DNASE1: variants seen among roughly 807,000 people sequenced by gnomAD.
DNASE1 encodes the protein deoxyribonuclease-1.
DNASE1 carries 40 observed loss-of-function variants against 33.9 expected under a neutral mutation model. The observed-to-expected ratio is 1.18, with a 90% CI of 0.92 to 1.54. The LOEUF (loss-of-function observed/expected upper bound fraction) is 1.54, where lower values mean the gene tolerates loss of function less well. DNASE1 is among the 40% of genes most tolerant of loss of function. The probability of loss-of-function intolerance (pLI) is 0.00; values close to 1 mark genes in which losing one functional copy is unlikely to be tolerated. For missense variants in DNASE1, 518 were observed against 372.6 expected, an observed-to-expected ratio of 1.39 and a Z score of -3.21; for synonymous variants, 216 against 160.0, an observed-to-expected ratio of 1.35 and a Z score of -2.64.
At chr16:3,613,787 C>G (rs2040994345) in intron 1 of DNASE1, among the ~76,000 whole-genome samples, 1 of 152,074 alleles carries the variant, frequency 6.6e-6, no homozygotes, top group Non-Finnish European at 1.5e-5. Context: ...GAGTTTGGCT[C>G]TTGTTGCCCA....
upstream of DNASE1, among the ~76,000 whole-genome samples, chr16:3,638,141 T>TGTG (rs1163393580): frequency 1.5e-5 from 2 of 130,732 alleles, no homozygotes; most frequent in African/African-American, 5.6e-5. Context: ...GTGTGTGTGT[T>TGTG]TTTCCCAGTA....
At chr16:3,654,500 A>C (rs1596640805), upstream of DNASE1, 2 of 398,716 alleles carry the variant, frequency 5.0e-6, no homozygotes, top group East Asian at 7.1e-5. Context: ...CTCTTTGTCC[A>C]AAGTGACCTT....
At chr16:3,638,483 G>C (rs187847606), upstream of DNASE1, among the ~76,000 whole-genome samples, 15 of 152,180 alleles carry the variant, frequency 9.9e-5, no homozygotes, top group Non-Finnish European at 7.4e-5. Flanking sequence ...GACTACAGGC[G>C]CCCGCCACCA....
At chr16:3,612,223 TG>T (rs113325314) in intron 1 of DNASE1, among the ~76,000 whole-genome samples, 12,021 of 152,174 alleles carry the variant, frequency 0.079, 511 homozygotes, top group African/African-American at 0.11. Flanking sequence ...AGCTTCAACT[TG>T]GGGTCGTCGG....
Position 3,616,044 on chromosome 16 carries a change from A to G in DNASE1, c.-1359+4038A>G, listed in dbSNP as rs568372882. 3.9e-5 allele frequency among the ~76,000 whole-genome samples: 6 copies of G among 152,312 alleles called. No individual in the cohort carries two copies. The South Asian group carries it at 8.3e-4, about 21-fold the overall frequency. On this transcript the variant is annotated intron_variant and NMD_transcript_variant, in intron 1 of 11. Transcript: ENST00000570769. ...CTTTTATTTACTGTTGTATAGTCACATTTTCTAGACTGCTAAAATTGGTGA... is the reference window on the plus strand; with the variant it reads ...CTTTTATTTACTGTTGTATAGTCACGTTTTCTAGACTGCTAAAATTGGTGA...
intron 1 of DNASE1, among the ~76,000 whole-genome samples, chr16:3,648,267 A>G (rs1567201672): frequency 6.6e-6 from 1 of 151,654 alleles, no homozygotes; most frequent in Non-Finnish European, 1.5e-5. Context: ...GTGCCTGTGA[A>G]AAGCCACTGC....
upstream of DNASE1, among the ~76,000 whole-genome samples, chr16:3,642,596 C>G (rs554992067): frequency 8.5e-5 from 13 of 152,318 alleles, no homozygotes; most frequent in East Asian, 2.5e-3. Flanking sequence ...CTGAGCCCAG[C>G]TCTCGTGGGG....
Position 3,657,704 on chromosome 16 carries a change from T to A in DNASE1, c.705-16T>A. On this transcript the variant is annotated splice_polypyrimidine_tract_variant and intron_variant, in intron 7 of 8. Coordinates refer to ENST00000246949, the MANE Select transcript of DNASE1 (RefSeq NM_005223.4). The stretch of plus-strand genomic sequence containing the variant: ...TGTGAAAGGGGAACCTACTTTCTCT[T>A]CCCAACACCCATCAGGATCGTGGTT... 6.2e-7 allele frequency: 1 copy of A among 1,613,794 alleles called. No individual in the cohort carries two copies. The highest frequency in any genetic ancestry group is 8.5e-7 in the Non-Finnish European group (1 of 1,179,960).
At chr16:3,653,877 C>CAT (rs2042437593), upstream of DNASE1, 1 of 142,930 alleles carries the variant, frequency 7.0e-6, no homozygotes, top group Non-Finnish European at 1.5e-5. Context: ...GTCCTGGCTA[C>CAT]GCCGGAGGAT....
Position 3,654,857 on chromosome 16 carries a change from C to G in DNASE1, c.-189C>G. 2.4e-6 allele frequency: 1 copy of G among 410,298 alleles called. No individual in the cohort carries two copies. Among genetic ancestry groups the G allele is most frequent in the Non-Finnish European group, 4.3e-6 (1 of 233,684 alleles). 25.4% of individuals were successfully genotyped at this position (410,298 alleles called of 1,614,324 possible). A position where few individuals can be genotyped will look rare whatever the true frequency, so the allele number is the denominator to read the frequency against. On this transcript the variant is annotated 5_prime_UTR_variant, in exon 1 of 9. Transcript: ENST00000246949. ...TGCCTGAACTTTTAAAACTCCCAGA[C>G]ACGCACTGCCTGTGCAGGATCCGGA... is the stretch of plus-strand genomic sequence containing the variant.
intron 1 of DNASE1, among the ~76,000 whole-genome samples, chr16:3,634,873 G>A (rs2041821250): frequency 6.6e-6 from 1 of 152,164 alleles, no homozygotes; most frequent in East Asian, 1.9e-4. Flanking sequence ...CTAGAGTGCA[G>A]TGGCTATTCA....
downstream of DNASE1, chr16:3,662,080 C>A (rs375212471): frequency 2.2e-5 from 35 of 1,613,170 alleles, no homozygotes; most frequent in Non-Finnish European, 2.9e-5. Context: ...GCGGGCAGCC[C>A]CCATCTCCAG....
At chr16:3,660,500 C>G (rs1031854275), downstream of DNASE1, 1 of 148,452 alleles carries the variant, frequency 6.7e-6, no homozygotes, top group Non-Finnish European at 1.5e-5. Flanking sequence ...CAGACAGAAA[C>G]GAGCACTTCT....
intron 1 of DNASE1, among the ~76,000 whole-genome samples, chr16:3,630,065 C>T (rs536581122): frequency 3.4e-4 from 52 of 152,314 alleles, no homozygotes; most frequent in Non-Finnish European, 6.3e-4. Context: ...GTGATCTGCC[C>T]ACCTCGGCCT....
Position 3,663,532 on chromosome 16 carries a change from G to C in DNASE1, c.*5579G>C, listed in dbSNP as rs751634476. The C allele has an allele frequency of 1.5e-5, 25 of 1,613,992 alleles. No homozygotes were observed. Among genetic ancestry groups the C allele is most frequent in the Non-Finnish European group, 2.0e-5 (24 of 1,180,022 alleles). On this transcript the variant is annotated 3_prime_UTR_variant, in exon 10 of 10. Transcript: ENST00000407479. ...AACTCACGAAGGTGCAGCAGGGTGA[G>C]CTCATCAAACTGCTCAAAGCAGAAG...
downstream of DNASE1, chr16:3,658,533 T>G (rs1013441688): frequency 3.5e-6 from 2 of 566,964 alleles, no homozygotes; most frequent in African/African-American, 3.8e-5. Flanking sequence ...AATACAAAAT[T>G]AGCCAGGCGC....
Position 3,663,574 on chromosome 16 carries a change from C to G in DNASE1, c.*5621C>G. On this transcript the variant is annotated 3_prime_UTR_variant, in exon 10 of 10. Transcript: ENST00000407479. ...AAGCAGAAGAGAACCTGCAGGTGGC[C>G]AAGAGCAGCTCCATCAGACCCCGGG... is the stretch of plus-strand genomic sequence containing the variant. 1 of 1,613,460 alleles carries G rather than the reference C, an allele frequency of 6.2e-7. No individual in the cohort carries two copies. The highest frequency in any genetic ancestry group is 8.5e-7 in the Non-Finnish European group (1 of 1,179,842).
At chr16:3,625,514 T>A (rs2151168412) in intron 1 of DNASE1, among the ~76,000 whole-genome samples, 1 of 152,126 alleles carries the variant, frequency 6.6e-6, no homozygotes, top group Non-Finnish European at 1.5e-5. Flanking sequence ...TACTCCCAGC[T>A]ATTCAGTAGG....
intron 1 of DNASE1, among the ~76,000 whole-genome samples, chr16:3,648,290 C>A (rs552311288): frequency 6.6e-6 from 1 of 151,676 alleles, no homozygotes; most frequent in East Asian, 2.0e-4. Context: ...TGGCCGGATG[C>A]GGTGGCTCAC....
Sources: allele counts gnomAD v4.1 joint callset (sites outside exome capture counted in the v4.1 genomes callset), GRCh38; gene constraint gnomAD v4.1.1; transcripts MANE v1.5; gene names NCBI Gene and HGNC (gene_info 2026-07-23, HGNC 2026-07-21).